The following DAB1 variants were observed in gnomAD, a reference collection of about 807,000 sequenced individuals.
DAB1 encodes the protein disabled homolog 1.
DAB1 carries 15 observed loss-of-function variants against 64.6 expected under a neutral mutation model. That is an observed-to-expected ratio of 0.23 (90% CI 0.16 to 0.36). DAB1 has a LOEUF of 0.36. Ranked by LOEUF, DAB1 falls within the 10% of genes least tolerant of loss-of-function variation. DAB1 has a pLI of 1.00. For synonymous variants in DAB1, 235 were observed against 251.9 expected (o/e 0.93, Z 0.64); for missense variants, 596 against 706.7 (o/e 0.84, Z 1.78).
At chr1:57,802,417 C>A (rs1279008164) in intron 6 of DAB1, among the ~76,000 whole-genome samples, 2 of 152,032 alleles carry the variant, frequency 1.3e-5, no homozygotes, top group African/African-American at 4.8e-5. Flanking sequence ...GAGATCAACA[C>A]CTAAAGGGGA....
intron 4 of DAB1, among the ~76,000 whole-genome samples, chr1:58,292,357 GAA>G (rs1189408619): frequency 7.9e-5 from 12 of 151,862 alleles, no homozygotes; most frequent in Admixed American, 7.9e-4. Flanking sequence ...ACCATATCAA[GAA>G]AAAAAGTATC....
chr1:58,247,443 A>T (rs1407098093), intron 4 of DAB1, among the ~76,000 whole-genome samples: 1 of 152,104 alleles, frequency 6.6e-6, no homozygotes, highest in East Asian at 1.9e-4. Context: ...AGGTTATACA[A>T]AGCATGTCTG....
In DAB1 at chr1:58,394,125, A is replaced by G. The variant is rs1485762214; in HGVS notation, n.258-50722T>C. 2.6e-5 allele frequency among the ~76,000 whole-genome samples: 4 copies of G among 152,254 alleles called. No homozygotes were observed. The East Asian group carries it at 7.7e-4, about 29-fold the overall frequency. On this transcript the variant is annotated intron_variant and non_coding_transcript_variant, in intron 3 of 20. Coordinates refer to the DAB1 transcript ENST00000485760. ...ATACTTTACCAAAGAAAAGATGATC[A>G]ATATCATTAGTCATAGAAGAATGTA...
intron 7 of DAB1, among the ~76,000 whole-genome samples, chr1:57,495,431 T>C (rs6700225): frequency 0.074 from 11,200 of 152,270 alleles, 1,300 homozygotes; most frequent in African/African-American, 0.25. Context: ...ATTTCAAAGA[T>C]GAATTACGGT....
intron 1 of DAB1, among the ~76,000 whole-genome samples, chr1:57,832,388 G>A (rs930942100): frequency 3.3e-5 from 5 of 152,190 alleles, no homozygotes; most frequent in African/African-American, 1.2e-4. Context: ...ACAATTTTAA[G>A]AGCATAAATG....
chr1:57,878,395 T>C (rs1420988440), intron 1 of DAB1: 4 of 152,206 alleles, frequency 2.6e-5, no homozygotes, highest in Non-Finnish European at 5.9e-5. Flanking sequence ...CTGGTTGAGT[T>C]CCATTCTACA....
At chr1:57,691,704 C>G (rs375119200) in intron 6 of DAB1, among the ~76,000 whole-genome samples, 2 of 152,004 alleles carry the variant, frequency 1.3e-5, no homozygotes, top group African/African-American at 2.4e-5. Flanking sequence ...ACACTCACTG[C>G]GAAGGTCTGC....
chr1:57,020,069 C>T (rs1320438531), intron 11 of DAB1, among the ~76,000 whole-genome samples: 6 of 152,104 alleles, frequency 3.9e-5, no homozygotes, highest in Admixed American at 3.9e-4. Context: ...CCAATCACTG[C>T]TTTAGTGTGT....
At chr1:58,219,025 CTGTG>C (rs56151181) in intron 4 of DAB1, among the ~76,000 whole-genome samples, 26,025 of 129,146 alleles carry the variant, frequency 0.2, 3,078 homozygotes, top group Middle Eastern at 0.29. Flanking sequence ...CTCTCTCTCT[CTGTG>C]TGTGTGTGTG....
intron 4 of DAB1, among the ~76,000 whole-genome samples, chr1:57,119,952 A>C (rs1052227717): frequency 6.6e-6 from 1 of 152,222 alleles, no homozygotes. Context: ...AAAATCCTTT[A>C]TCAGCCTCTT....
At chr1:58,017,274 G>A (rs961615799) in intron 5 of DAB1, among the ~76,000 whole-genome samples, 2 of 151,980 alleles carry the variant, frequency 1.3e-5, no homozygotes, top group South Asian at 2.1e-4. Context: ...AGGGCTATGC[G>A]ATTAGGCACA....
At chr1:58,453,088 T>C (rs889798348) in intron 3 of DAB1, among the ~76,000 whole-genome samples, 1 of 152,112 alleles carries the variant, frequency 6.6e-6, no homozygotes, top group African/African-American at 2.4e-5. Context: ...ACAAACAACA[T>C]GGATGAATCT....
At chr1:57,318,017 G>T (rs1286052468) in intron 1 of DAB1, among the ~76,000 whole-genome samples, 1 of 152,118 alleles carries the variant, frequency 6.6e-6, no homozygotes, top group African/African-American at 2.4e-5. Context: ...TTGTATCTAA[G>T]TTCATTTGAA....
chr1:57,382,272 C>CA (rs929665224), intron 1 of DAB1, among the ~76,000 whole-genome samples: 3 of 152,150 alleles, frequency 2.0e-5, no homozygotes, highest in African/African-American at 7.2e-5. Flanking sequence ...CACTGCTAGT[C>CA]ACAGACTGAG....
At chr1:58,484,814 A>G (rs537362868) in intron 3 of DAB1, among the ~76,000 whole-genome samples, 1 of 152,276 alleles carries the variant, frequency 6.6e-6, no homozygotes, top group South Asian at 2.1e-4. Flanking sequence ...CCAATCTGAA[A>G]AGGCTACATG....
chr1:57,597,692 T>C (rs898291959), intron 7 of DAB1, among the ~76,000 whole-genome samples: 3 of 152,232 alleles, frequency 2.0e-5, no homozygotes, highest in African/African-American at 7.2e-5. Context: ...TCAGGCATGA[T>C]CTCATTGGGT....
At chr1:58,238,318 C>T (rs766425169) in intron 4 of DAB1, among the ~76,000 whole-genome samples, 3 of 152,126 alleles carry the variant, frequency 2.0e-5, no homozygotes, top group Non-Finnish European at 2.9e-5. Context: ...ATGATGCTTC[C>T]ATCATGAACG....
chr1:57,723,222 C>A (rs1316992869), intron 6 of DAB1, among the ~76,000 whole-genome samples: 1 of 152,174 alleles, frequency 6.6e-6, no homozygotes, highest in Middle Eastern at 3.2e-3. Flanking sequence ...AGCTGTGTGA[C>A]CACGGGCAAG....
chr1:57,424,247 G>A (rs1685168456), upstream of DAB1, among the ~76,000 whole-genome samples: 1 of 151,090 alleles, frequency 6.6e-6, no homozygotes, highest in Admixed American at 6.6e-5. Flanking sequence ...CCCCGGCCTC[G>A]CGGCTCCCTC....
Sources: gnomAD v4.1 joint callset for allele counts (sites outside exome capture counted in the v4.1 genomes callset) on GRCh38, gnomAD v4.1.1 for gene constraint, MANE v1.5 for transcripts, NCBI Gene and HGNC (gene_info 2026-07-23, HGNC 2026-07-21) for gene names.